TRIM72: variants seen among roughly 807,000 people sequenced by gnomAD.
TRIM72 encodes tripartite motif-containing protein 72.
A neutral mutation model predicts 31.6 loss-of-function variants in TRIM72; 33 were observed. The observed-to-expected ratio is 1.04, with a 90% CI of 0.79 to 1.40. TRIM72 has a LOEUF of 1.40. TRIM72 is among the 40% of genes most tolerant of loss of function. TRIM72 has a pLI of 0.00. For synonymous variants in TRIM72, 301 were observed against 314.4 expected (o/e 0.96, Z 0.45); for missense variants, 666 against 682.7 (o/e 0.98, Z 0.27).
At position 31,215,094 on chromosome 16, in the gene TRIM72, T is replaced by C; in HGVS notation, c.356T>C (p.Leu119Pro). Residue 119 changes from leucine to proline, a missense_variant, in exon 2 of 7, where the codon CTC becomes CCC. Transcript: ENST00000322122. The surrounding 1 kb of genome is among the most constrained non-coding windows in gnomAD (Gnocchi z 6.3). ...ASLGSHRGHR[L>P]LPAAEAHARL... The stretch of plus-strand genomic sequence containing the variant: ...CTCGGCTCGCACCGCGGTCATCGCC[T>C]CCTGCCTGCCGCCGAGGCCCACGCA... 1 of 1,448,024 alleles carries C rather than the reference T, an allele frequency of 6.9e-7. No homozygotes were observed. The highest frequency in any genetic ancestry group is 9.0e-7 in the Non-Finnish European group (1 of 1,110,042). 89.7% of individuals were successfully genotyped at this position (1,448,024 alleles called of 1,614,324 possible).
At chr16:31,222,479 C>CTTTT (rs1428640369) in intron 5 of TRIM72, among the ~76,000 whole-genome samples, 1 of 18,118 alleles carries the variant, frequency 5.5e-5, no homozygotes, top group Non-Finnish European at 1.9e-4. Flanking sequence ...GCTTCTTCTT[C>CTTTT]TTCTTTTTTT....
Position 31,224,408 on chromosome 16 carries a change from G to T in TRIM72, c.1087G>T (p.Ala363Ser), listed in dbSNP as rs778019966. 3.6e-5 allele frequency: 52 copies of T among 1,427,162 alleles called. No individual in the cohort carries two copies. The highest frequency in any genetic ancestry group is 4.6e-5 in the Non-Finnish European group (51 of 1,101,030). 88.4% of individuals were successfully genotyped at this position (1,427,162 alleles called of 1,614,324 possible). Reference sequence around the variant, plus strand: ...GCCGCGCTGGGCGCTGGGCGTGATCGCGGCCGAGGCCCCCCGCCGCGGGCG... The same window carrying T: ...GCCGCGCTGGGCGCTGGGCGTGATCTCGGCCGAGGCCCCCCGCCGCGGGCG... ...DKPRWALGVI[A>S]AEAPRRGRLH... Residue 363 changes from alanine (A) to serine (S), a missense_variant, in exon 7 of 7, where the codon GCG becomes TCG. Coordinates refer to ENST00000322122, the MANE Select transcript of TRIM72 (RefSeq NM_001008274.4).
In TRIM72 at chr16:31,229,967, A is replaced by C. The variant is rs1161690380; in HGVS notation, c.*5212A>C. 1.3e-5 allele frequency: 2 copies of C among 152,272 alleles called. No homozygotes were observed. Among genetic ancestry groups the C allele is most frequent in the Non-Finnish European group, 2.9e-5 (2 of 68,092 alleles). 9.4% of individuals were successfully genotyped at this position (152,272 alleles called of 1,614,324 possible). A position where few individuals can be genotyped will look rare whatever the true frequency, so the allele number is the denominator to read the frequency against. On this transcript the variant is annotated 3_prime_UTR_variant, in exon 7 of 7. Coordinates refer to ENST00000322122, the MANE Select transcript of TRIM72 (RefSeq NM_001008274.4). ...GCCAGGCATGGTGGTGCATGCCTGC[A>C]ATCCCAGCTACTCAGGAGGCTGAGG...
Position 31,215,397 on chromosome 16 carries a change from CTG to C in TRIM72, c.390+270_390+271del, listed in dbSNP as rs904361915. Among the ~76,000 whole-genome samples the C allele has an allele frequency of 6.6e-6, 1 of 152,196 alleles. No individual in the cohort carries two copies. The highest frequency in any genetic ancestry group is 1.5e-5 in the Non-Finnish European group (1 of 68,024). ...TCCCGGCCTTAGTCCCTAGAGGAAACTGGAGATGGGCGGGCGGAGCCCCAGGG... is the reference window on the plus strand; with the variant it reads ...TCCCGGCCTTAGTCCCTAGAGGAAACGAGATGGGCGGGCGGAGCCCCAGGG... On this transcript the variant is annotated intron_variant, in intron 2 of 6. Coordinates refer to ENST00000322122, the MANE Select transcript of TRIM72 (RefSeq NM_001008274.4). The surrounding 1 kb of genome is among the most constrained non-coding windows in gnomAD (Gnocchi z 6.3).
Position 31,215,018 on chromosome 16 carries a change from A to T in TRIM72, c.280A>T (p.Ser94Cys), listed in dbSNP as rs2079500553. ...GHCEEHLDPLSIYCEQDRALV... is the reference protein window; with the variant it reads ...GHCEEHLDPLCIYCEQDRALV... ...CTGCGAGGAGCACCTGGACCCGCTGAGCATCTACTGCGAGCAGGACCGCGC... is the reference window on the plus strand; with the variant it reads ...CTGCGAGGAGCACCTGGACCCGCTGTGCATCTACTGCGAGCAGGACCGCGC... The change falls in exon 2 of 7, where the codon AGC (serine) becomes TGC (cysteine). Residue 94 changes from serine to cysteine, a missense_variant. Ser to Cys is a moderately radical substitution (Grantham distance 112). Transcript: ENST00000322122. This position sits in a 1 kb window ranked among gnomAD's most constrained non-coding sequence, Gnocchi z 6.3. 8.0e-6 allele frequency: 12 copies of T among 1,507,434 alleles called. No homozygotes were observed. Among genetic ancestry groups the T allele is most frequent in the East Asian group, 5.3e-5 (2 of 37,712 alleles). 93.4% of individuals were successfully genotyped at this position (1,507,434 alleles called of 1,614,324 possible).
In TRIM72 at chr16:31,215,616, G is replaced by A. The variant is rs1046394113; in HGVS notation, c.390+488G>A. Among the ~76,000 whole-genome samples the A allele has an allele frequency of 4.0e-5, 6 of 151,840 alleles. No individual in the cohort carries two copies. Among genetic ancestry groups the A allele is most frequent in the African/African-American group, 7.3e-5 (3 of 41,334 alleles). ...GCAGGGTTGTCCCCTTGTGCTCAGC[G>A]GAGGCCCACGCACCCCTGAAGCTGC... On this transcript the variant is annotated intron_variant, in intron 2 of 6. Coordinates refer to ENST00000322122, the MANE Select transcript of TRIM72 (RefSeq NM_001008274.4). The surrounding 1 kb of genome is among the most constrained non-coding windows in gnomAD (Gnocchi z 6.3).
chr16:31,222,735 A>T, intron 5 of TRIM72, 92 bp from the exon 6 acceptor site: 1 of 650,286 alleles, frequency 1.5e-6, no homozygotes, highest in Non-Finnish European at 2.6e-6. Flanking sequence ...GAAGAGTTTT[A>T]AGCAGGGGTG....
In TRIM72 at chr16:31,216,642, C is replaced by G; in HGVS notation, c.390+1514C>G. On this transcript the variant is annotated intron_variant, in intron 2 of 6. Transcript: ENST00000322122. This position sits in a 1 kb window ranked among gnomAD's most constrained non-coding sequence, Gnocchi z 6.7. ...GCTGGCCGGAGGTCTGAGGGAGGAC[C>G]CCAGGAGGGACCCTGAAGGAGGGGA... 1 of 1,302,082 alleles carries G rather than the reference C, an allele frequency of 7.7e-7. No individual in the cohort carries two copies. Among genetic ancestry groups the G allele is most frequent in the Non-Finnish European group, 1.1e-6 (1 of 946,412 alleles). The allele number at this position is 1,302,082 out of a possible 1,614,324, so 80.7% of individuals were successfully genotyped here.
At position 31,230,454 on chromosome 16, in the gene TRIM72, T is replaced by C. The variant is rs9708646; in HGVS notation, c.*5699T>C. Reference sequence around the variant, plus strand: ...CTTAAAAGGTAACCGGAGCCGGGCGTGGTGGCTCACGCCTGTAATCCCAGC... The same window carrying C: ...CTTAAAAGGTAACCGGAGCCGGGCGCGGTGGCTCACGCCTGTAATCCCAGC... On this transcript the variant is annotated 3_prime_UTR_variant, in exon 7 of 7. Coordinates refer to ENST00000322122, the MANE Select transcript of TRIM72 (RefSeq NM_001008274.4). The C allele has an allele frequency of 0.9, 137,386 of 152,566 alleles. 63,564 individuals carry two copies. Among genetic ancestry groups the C allele is most frequent in the East Asian group, 1 (5,196 of 5,196 alleles). 9.5% of individuals were successfully genotyped at this position (152,566 alleles called of 1,614,324 possible).
In TRIM72 at chr16:31,215,541, C is replaced by T. The variant is rs987136626; in HGVS notation, c.390+413C>T. Among the ~76,000 whole-genome samples, 2 of 152,076 alleles carry T rather than the reference C, an allele frequency of 1.3e-5. No homozygotes were observed. The highest frequency in any genetic ancestry group is 4.8e-5 in the African/African-American group (2 of 41,436). On this transcript the variant is annotated intron_variant, in intron 2 of 6. Transcript: ENST00000322122. This position sits in a 1 kb window ranked among gnomAD's most constrained non-coding sequence, Gnocchi z 6.3. ...GGGCTGGCTCCCTGCTCGGCGCTGG[C>T]CCACTTTGGACTGGAGGCGCGGCGT... is the stretch of plus-strand genomic sequence containing the variant.
rs1236013003 is a variant in TRIM72 at position 31,222,929 on chromosome 16, C to G, written c.843C>G (p.Phe281Leu). ...AATTCCAGGTGTGGAGGAAGATGTTCCGGGCTCTGATGCCAGGTACCGGGA... is the reference window on the plus strand; with the variant it reads ...AATTCCAGGTGTGGAGGAAGATGTTGCGGGCTCTGATGCCAGGTACCGGGA... ...DFKFQVWRKM[F>L]RALMPALEEL... The change falls in exon 6 of 7, where the codon TTC (phenylalanine) becomes TTG (leucine). Residue 281 changes from phenylalanine (F) to leucine (L), a missense_variant. Physicochemically the swap from Phe to Leu is conservative, Grantham distance 22. Coordinates refer to ENST00000322122, the MANE Select transcript of TRIM72 (RefSeq NM_001008274.4). The G allele has an allele frequency of 1.3e-6, 2 of 1,573,256 alleles. No individual in the cohort carries two copies. Among genetic ancestry groups the G allele is most frequent in the Non-Finnish European group, 8.6e-7 (1 of 1,163,002 alleles).
In TRIM72 at chr16:31,224,223, G is replaced by A; in HGVS notation, c.902G>A (p.Ser301Asn). Residue 301 changes from serine (S) to asparagine (N), a missense_variant, in exon 7 of 7, where the codon AGC (serine) becomes AAC (asparagine). Physicochemically the swap from Ser to Asn is conservative, Grantham distance 46. Transcript: ENST00000322122. Reference sequence around the variant, plus strand: ...TTTGACCCGAGCTCTGCGCACCCGAGCCTGGTGGTGTCTTCCTCTGGCCGC... The same window carrying A: ...TTTGACCCGAGCTCTGCGCACCCGAACCTGGTGGTGTCTTCCTCTGGCCGC... ...LTFDPSSAHP[S>N]LVVSSSGRRV... The A allele has an allele frequency of 6.2e-7, 1 of 1,604,630 alleles. No individual in the cohort carries two copies. Among genetic ancestry groups the A allele is most frequent in the Non-Finnish European group, 8.5e-7 (1 of 1,179,882 alleles).
Position 31,216,904 on chromosome 16 carries a change from C to A in TRIM72, c.390+1776C>A. On this transcript the variant is annotated intron_variant, in intron 2 of 6. Transcript: ENST00000322122. The surrounding 1 kb of genome is among the most constrained non-coding windows in gnomAD (Gnocchi z 6.7). ...CACGATATCTAGCTGCCCGAGCGCG[C>A]CCCGCGGGATGCGCTCAAAGCCCTC... The A allele has an allele frequency of 6.2e-7, 1 of 1,613,942 alleles. No individual in the cohort carries two copies. Among genetic ancestry groups the A allele is most frequent in the South Asian group, 1.1e-5 (1 of 91,088 alleles).
Position 31,230,413 on chromosome 16 carries a change from C to T in TRIM72, c.*5658C>T, listed in dbSNP as rs189963113. On this transcript the variant is annotated 3_prime_UTR_variant, in exon 7 of 7. Transcript: ENST00000322122. ...ATGCTTCCCCCTGCACAGATCTCCCCCTGCCCCACAAAATGCTTAAAAGGT... is the reference window on the plus strand; with the variant it reads ...ATGCTTCCCCCTGCACAGATCTCCCTCTGCCCCACAAAATGCTTAAAAGGT... The T allele has an allele frequency of 6.6e-6, 1 of 152,300 alleles. No individual in the cohort carries two copies. Among genetic ancestry groups the T allele is most frequent in the East Asian group, 1.9e-4 (1 of 5,200 alleles). 9.4% of individuals were successfully genotyped at this position (152,300 alleles called of 1,614,324 possible).
rs2079519827 is a variant in TRIM72 at position 31,218,532 on chromosome 16, T to G, written c.391-563T>G. ...CCTGTCTCTACTAAAAATACCAAAA[T>G]TAGCCAGGCGTGGTGGTGCACCAAA... On this transcript the variant is annotated intron_variant, in intron 2 of 6. Coordinates refer to ENST00000322122, the MANE Select transcript of TRIM72 (RefSeq NM_001008274.4). 2.0e-5 allele frequency among the ~76,000 whole-genome samples: 3 copies of G among 151,856 alleles called. No individual in the cohort carries two copies. In the South Asian group the frequency reaches 6.2e-4, roughly 32 times the overall value.
At chr16:31,223,560 C>G (rs2079542760) in intron 6 of TRIM72, among the ~76,000 whole-genome samples, 1 of 152,102 alleles carries the variant, frequency 6.6e-6, no homozygotes, top group African/African-American at 2.4e-5. Context: ...TGACCTTGGG[C>G]CTTGGGCCTT....
chr16:31,218,091 AC>A (rs2079518294), intron 2 of TRIM72, among the ~76,000 whole-genome samples: 1 of 151,258 alleles, frequency 6.6e-6, no homozygotes, highest in Non-Finnish European at 1.5e-5. Flanking sequence ...TCCTTCATGT[AC>A]CCCCTGAGGT....
In TRIM72 at chr16:31,222,959, C is replaced by A; in HGVS notation, c.859+14C>A. 1 of 1,580,872 alleles carries A rather than the reference C, an allele frequency of 6.3e-7. No individual in the cohort carries two copies. Among genetic ancestry groups the A allele is most frequent in the Non-Finnish European group, 8.6e-7 (1 of 1,162,194 alleles). On this transcript the variant is annotated intron_variant, in intron 6 of 6. Transcript: ENST00000322122. ...CTCTGATGCCAGGTACCGGGAGGGA[C>A]TGGCTCAGGTTTGTGTGTGACCAGG...
At position 31,225,992 on chromosome 16, in the gene TRIM72, T is replaced by C. The variant is rs2079554250; in HGVS notation, c.*1237T>C. On this transcript the variant is annotated 3_prime_UTR_variant, in exon 7 of 7. Transcript: ENST00000322122. ...TTTTTTAATTTAGTTTTTGTAGAAA[T>C]GGTGTCTCGTTACATTGCCCAGGCT... 1.3e-5 allele frequency: 2 copies of C among 151,398 alleles called. No homozygotes were observed. Among genetic ancestry groups the C allele is most frequent in the African/African-American group, 2.4e-5 (1 of 41,126 alleles). 9.4% of individuals were successfully genotyped at this position (151,398 alleles called of 1,614,324 possible).
Sources: gnomAD v4.1 joint callset for allele counts (sites outside exome capture counted in the v4.1 genomes callset) on GRCh38, gnomAD v4.1.1 for gene constraint, Gnocchi (gnomAD v3.1) non-coding constraint, MANE v1.5 for transcripts, NCBI Gene and HGNC (gene_info 2026-07-23, HGNC 2026-07-21) for gene names.